The following OR51B5 variants were observed in gnomAD, a reference collection of about 807,000 sequenced individuals.
OR51B5 encodes olfactory receptor 51B5.
For missense variants in OR51B5, 456 were observed against 374.6 expected, an observed-to-expected ratio of 1.22 and a Z score of -1.79; for synonymous variants, 186 against 144.8, an observed-to-expected ratio of 1.28 and a Z score of -2.04.
In OR51B5 at chr11:5,408,110, A is replaced by G. The variant is rs114872377; in HGVS notation, n.85-61200T>C. The stretch of plus-strand genomic sequence containing the variant: ...CTTACATCACTCTTTTTCTCTCTGA[A>G]CTACAGCAATATCAAATATCTTTCA... On this transcript the variant is annotated intron_variant and non_coding_transcript_variant, in intron 1 of 4. Transcript: ENST00000415970. Among the ~76,000 whole-genome samples, 1,250 of 152,126 alleles carry G rather than the reference A, an allele frequency of 8.2e-3. 19 individuals carry two copies. Among genetic ancestry groups the G allele is most frequent in the African/African-American group, 0.029 (1,197 of 41,504 alleles).
rs1166460702 is a variant in OR51B5, at chr11:5,370,869, T to C, written n.85-23959A>G. 7.2e-5 allele frequency among the ~76,000 whole-genome samples: 11 copies of C among 152,222 alleles called. No homozygotes were observed. The East Asian group carries it at 2.1e-3, about 29-fold the overall frequency. On this transcript the variant is annotated intron_variant and non_coding_transcript_variant, in intron 1 of 4. Coordinates refer to the OR51B5 transcript ENST00000415970. Reference sequence around the variant, plus strand: ...GACAAATGCGGGTTCTGAGAGGAGGTAATATTTCAGCTGTGACCTGAGAGT... The same window carrying C: ...GACAAATGCGGGTTCTGAGAGGAGGCAATATTTCAGCTGTGACCTGAGAGT...
intron 1 of OR51B5, among the ~76,000 whole-genome samples, chr11:5,382,583 T>A (rs1849625886): frequency 6.6e-6 from 1 of 152,204 alleles, no homozygotes; most frequent in Admixed American, 6.5e-5. Context: ...ATCATGTTCT[T>A]AATAAATGCA....
chr11:5,352,574 T>A, intron 1 of OR51B5: 6 of 637,910 alleles, frequency 9.4e-6, no homozygotes, highest in Non-Finnish European at 1.6e-5. Context: ...TCAGTGGAAA[T>A]CAGTCAATCC....
chr11:5,386,097 A>G (rs934509749), intron 1 of OR51B5, among the ~76,000 whole-genome samples: 3 of 152,160 alleles, frequency 2.0e-5, no homozygotes, highest in Non-Finnish European at 4.4e-5. Context: ...TGACAGAAGA[A>G]GTGATATTTG....
intron 1 of OR51B5, among the ~76,000 whole-genome samples, chr11:5,449,059 G>A (rs75701521): frequency 0.029 from 4,359 of 152,284 alleles, 170 homozygotes; most frequent in African/African-American, 0.094. Flanking sequence ...TCTCTTAGGA[G>A]GTAATGAGCT....
intron 1 of OR51B5, among the ~76,000 whole-genome samples, chr11:5,439,948 T>C (rs1209840535): frequency 6.6e-6 from 1 of 152,204 alleles, no homozygotes; most frequent in South Asian, 2.1e-4. Flanking sequence ...CTTGGAATAG[T>C]ACTGTTCTAA....
chr11:5,489,747 A>C (rs1851555460), intron 1 of OR51B5: 1 of 933,630 alleles, frequency 1.1e-6, no homozygotes, highest in Non-Finnish European at 1.7e-6. Context: ...TGATGATGTG[A>C]AAGGAATGGT....
At chr11:5,479,376 AG>A (rs1851377684) in intron 1 of OR51B5, among the ~76,000 whole-genome samples, 1 of 151,540 alleles carries the variant, frequency 6.6e-6, no homozygotes, top group Admixed American at 6.6e-5. Flanking sequence ...AAACATGGAA[AG>A]GAACAACCGG....
At chr11:5,389,352 A>G in intron 1 of OR51B5, 1 of 1,569,784 alleles carries the variant, frequency 6.4e-7, no homozygotes. Context: ...AAGCTGAAGA[A>G]TTAATAACCA....
chr11:5,405,529 C>CT (rs35591014), intron 1 of OR51B5, among the ~76,000 whole-genome samples: 1 of 151,352 alleles, frequency 6.6e-6, no homozygotes, highest in African/African-American at 2.4e-5. Flanking sequence ...TTAGAAAGAA[C>CT]TTTTTTTTTT....
intron 1 of OR51B5, among the ~76,000 whole-genome samples, chr11:5,374,980 G>C (rs922325635): frequency 6.6e-6 from 1 of 151,582 alleles, no homozygotes; most frequent in African/African-American, 2.4e-5. Context: ...GAAATACAGA[G>C]AACGCCACAA....
At chr11:5,352,275 G>A in intron 1 of OR51B5, 3 of 1,614,194 alleles carry the variant, frequency 1.9e-6, no homozygotes, top group Non-Finnish European at 2.5e-6. Flanking sequence ...TAGTTTGTCT[G>A]ACATTTATTC....
intron 1 of OR51B5, among the ~76,000 whole-genome samples, chr11:5,464,814 G>A (rs1851112427): frequency 6.6e-6 from 1 of 152,206 alleles, no homozygotes; most frequent in South Asian, 2.1e-4. Flanking sequence ...TAATGGGATG[G>A]CTGGGTCAAA....
At chr11:5,361,481 AATGAACAGACTT>A (rs1849282773) in intron 1 of OR51B5, among the ~76,000 whole-genome samples, 2 of 152,318 alleles carry the variant, frequency 1.3e-5, no homozygotes, top group South Asian at 4.1e-4. Flanking sequence ...CTGTGGCAAC[AATGAACAGACTT>A]ATGAACAGGT....
chr11:5,432,920 C>G (rs16930835), intron 1 of OR51B5, among the ~76,000 whole-genome samples: 3 of 152,142 alleles, frequency 2.0e-5, no homozygotes, highest in African/African-American at 7.2e-5. Flanking sequence ...ACAACGTGAA[C>G]CTTAGAAGGG....
At chr11:5,370,612 A>G (rs575551168) in intron 1 of OR51B5, among the ~76,000 whole-genome samples, 3 of 152,310 alleles carry the variant, frequency 2.0e-5, no homozygotes, top group African/African-American at 4.8e-5. Context: ...TTATTTAACA[A>G]GCGGTCATTG....
At chr11:5,371,680 T>G (rs1003671439) in intron 1 of OR51B5, among the ~76,000 whole-genome samples, 5 of 152,166 alleles carry the variant, frequency 3.3e-5, no homozygotes, top group Admixed American at 2.0e-4. Flanking sequence ...TATGTGTACA[T>G]AGTGAGATGA....
chr11:5,483,308 G>C (rs1160865748), intron 1 of OR51B5, among the ~76,000 whole-genome samples: 1 of 132,796 alleles, frequency 7.5e-6, no homozygotes, highest in Non-Finnish European at 1.5e-5. Flanking sequence ...ACTGAACAAT[G>C]AGATCACATG....
chr11:5,412,355 G>A (rs529943743), intron 1 of OR51B5, among the ~76,000 whole-genome samples: 12 of 152,206 alleles, frequency 7.9e-5, no homozygotes, highest in Admixed American at 2.0e-4. Flanking sequence ...AGCTCCCAGC[G>A]TGAGCGATGC....
Sources: allele counts gnomAD v4.1 joint callset (sites outside exome capture counted in the v4.1 genomes callset), GRCh38; gene constraint gnomAD v4.1.1; transcripts MANE v1.5; gene names NCBI Gene and HGNC (gene_info 2026-07-23, HGNC 2026-07-21).